The following LINGO2 variants were observed in gnomAD, a reference collection of about 807,000 sequenced individuals.
The protein encoded by LINGO2 is leucine rich repeat and Ig domain containing 2.
In LINGO2, 14 loss-of-function variants were observed where a neutral mutation model predicts 30.6. The ratio of observed to expected loss-of-function variants is 0.46; its 90% CI spans 0.30 to 0.72. The LOEUF (loss-of-function observed/expected upper bound fraction) is 0.72, where lower values mean the gene tolerates loss of function less well. Among genes scored for constraint, LINGO2 ranks in the 30% least tolerant of loss-of-function variants. LINGO2 has a pLI of 0.07. For synonymous variants in LINGO2, 317 were observed against 288.5 expected, an observed-to-expected ratio of 1.10 and a Z score of -1.00; for missense variants, 729 against 751.7, an observed-to-expected ratio of 0.97 and a Z score of 0.35.
In LINGO2 at chr9:28,133,772, G is replaced by T. The variant is rs562534765; in HGVS notation, c.-86-121367C>A. Among the ~76,000 whole-genome samples, 29 of 152,074 alleles carry T rather than the reference G, an allele frequency of 1.9e-4. No individual in the cohort carries two copies. The South Asian group carries it at 5.2e-3, about 27-fold the overall frequency. On this transcript the variant is annotated intron_variant, in intron 4 of 5. Coordinates refer to ENST00000379992, the Ensembl canonical transcript of LINGO2. ...TTAATTTCTCTTATTGTAAATGTTG[G>T]TGTCCTTTAAGATTTGGTCTTGGGA...
At chr9:28,312,284 T>G (rs1824656538) in intron 3 of LINGO2, among the ~76,000 whole-genome samples, 1 of 151,904 alleles carries the variant, frequency 6.6e-6, no homozygotes, top group South Asian at 2.1e-4. Flanking sequence ...AATAAAACTT[T>G]GACATAAGCT....
intron 2 of LINGO2, among the ~76,000 whole-genome samples, chr9:28,374,460 T>C (rs1821043291): frequency 6.6e-6 from 1 of 152,038 alleles, no homozygotes; most frequent in Non-Finnish European, 1.5e-5. Flanking sequence ...ACTATTTTAA[T>C]AAGAAAGCAA....
intron 4 of LINGO2, among the ~76,000 whole-genome samples, chr9:28,277,590 G>A (rs531810210): frequency 2.5e-4 from 38 of 152,156 alleles, no homozygotes; most frequent in Non-Finnish European, 5.1e-4. Context: ...GGTCACCTGA[G>A]GTCAGGAGTT....
intron 4 of LINGO2, among the ~76,000 whole-genome samples, chr9:28,212,302 G>A (rs896382039): frequency 6.6e-6 from 1 of 151,258 alleles, no homozygotes; most frequent in African/African-American, 2.4e-5. Flanking sequence ...TTCATTTACA[G>A]CATAGGAAAA....
intron 2 of LINGO2, among the ~76,000 whole-genome samples, chr9:28,379,088 C>T (rs1821238571): frequency 6.6e-6 from 1 of 152,022 alleles, no homozygotes; most frequent in Non-Finnish European, 1.5e-5. Flanking sequence ...TTAATAATTT[C>T]CTTTTGATAT....
At chr9:28,337,117 A>G (rs1587488646) in intron 3 of LINGO2, among the ~76,000 whole-genome samples, 1 of 149,806 alleles carries the variant, frequency 6.7e-6, no homozygotes, top group East Asian at 1.9e-4. Flanking sequence ...TAGAATATGT[A>G]TATAGAGAAA....
At chr9:28,486,885 C>T (rs778041862) in intron 1 of LINGO2, among the ~76,000 whole-genome samples, 7 of 152,010 alleles carry the variant, frequency 4.6e-5, no homozygotes, top group Non-Finnish European at 1.0e-4. Flanking sequence ...TTGTAGGATG[C>T]TTGCAGTCTC....
chr9:28,040,642 T>C (rs1199746515), intron 4 of LINGO2, among the ~76,000 whole-genome samples: 1 of 152,158 alleles, frequency 6.6e-6, no homozygotes, highest in South Asian at 2.1e-4. Context: ...CTATAATACA[T>C]TGAGTGTCTA....
intron 1 of LINGO2, among the ~76,000 whole-genome samples, chr9:28,567,883 C>T (rs1823466857): frequency 6.6e-6 from 1 of 152,034 alleles, no homozygotes; most frequent in African/African-American, 2.4e-5. Flanking sequence ...TTTCTTTCCT[C>T]TTCCCTCCTC....
intron 5 of LINGO2, among the ~76,000 whole-genome samples, chr9:27,987,168 G>A (rs1005452445): frequency 4.0e-5 from 6 of 151,832 alleles, no homozygotes; most frequent in Middle Eastern, 3.2e-3. Context: ...CTTCTAAAAT[G>A]AATAAAATTT....
chr9:28,971,706 G>C, the LINGO2 span, among the ~76,000 whole-genome samples: 1 of 152,224 alleles, frequency 6.6e-6, no homozygotes, highest in African/African-American at 2.4e-5. Context: ...GACTAACCAG[G>C]GGCCTAGCGG....
At chr9:27,985,630 T>TA (rs1215142741) in intron 5 of LINGO2, among the ~76,000 whole-genome samples, 1 of 146,480 alleles carries the variant, frequency 6.8e-6, no homozygotes, top group African/African-American at 2.6e-5. Context: ...CAGTAGGTGG[T>TA]AAATGTTTAT....
intron 5 of LINGO2, among the ~76,000 whole-genome samples, chr9:27,977,332 T>C (rs966224830): frequency 4.0e-5 from 6 of 151,802 alleles, no homozygotes; most frequent in African/African-American, 1.5e-4. Flanking sequence ...GCTGGGAATA[T>C]TCACACCTTT....
Position 28,173,214 on chromosome 9 carries a change from A to G in LINGO2, c.-87+121994T>C, listed in dbSNP as rs928406139. On this transcript the variant is annotated intron_variant, in intron 4 of 5. Coordinates refer to ENST00000379992, the Ensembl canonical transcript of LINGO2. ...TATCAGTGTATTACACTAAACAACA[A>G]CAATTAAGCATCCAATAATACCCTG... Among the ~76,000 whole-genome samples the G allele has an allele frequency of 3.3e-5, 5 of 152,250 alleles. 1 individual carries two copies. Among genetic ancestry groups the G allele is most frequent in the African/African-American group, 1.2e-4 (5 of 41,466 alleles).
chr9:28,410,068 G>A (rs1291703003), intron 2 of LINGO2, among the ~76,000 whole-genome samples: 2 of 147,640 alleles, frequency 1.4e-5, no homozygotes, highest in Non-Finnish European at 3.0e-5. Context: ...AAAGAAGAAA[G>A]GAAGAACAAA....
At chr9:28,134,469 C>A (rs1827460470) in intron 4 of LINGO2, among the ~76,000 whole-genome samples, 1 of 152,174 alleles carries the variant, frequency 6.6e-6, no homozygotes, top group South Asian at 2.1e-4. Flanking sequence ...AGCTGTAACT[C>A]CAATGATAAG....
At chr9:28,697,451 T>A in the LINGO2 span, among the ~76,000 whole-genome samples, 1 of 152,018 alleles carries the variant, frequency 6.6e-6, no homozygotes, top group East Asian at 1.9e-4. Context: ...TTTTACCTAG[T>A]GGTTAGAAAA....
intron 1 of LINGO2, among the ~76,000 whole-genome samples, chr9:28,511,566 T>C (rs1820387415): frequency 6.6e-6 from 1 of 152,208 alleles, no homozygotes; most frequent in East Asian, 1.9e-4. Context: ...TCCTATCCAG[T>C]TGATTATTAA....
chr9:29,168,111 A>G, the LINGO2 span, among the ~76,000 whole-genome samples: 1 of 152,146 alleles, frequency 6.6e-6, no homozygotes, highest in South Asian at 2.1e-4. Flanking sequence ...CTAGGAATAG[A>G]AAGACCTGAA....
Sources: allele counts gnomAD v4.1 joint callset (sites outside exome capture counted in the v4.1 genomes callset), GRCh38; gene constraint gnomAD v4.1.1; transcripts MANE v1.5; gene names NCBI Gene and HGNC (gene_info 2026-07-23, HGNC 2026-07-21).